The following FADS6 variants were observed in gnomAD, a reference collection of about 807,000 sequenced individuals.
FADS6 encodes fatty acid desaturase 6.
FADS6 carries 28 observed loss-of-function variants against 31.7 expected under a neutral mutation model. The ratio of observed to expected loss-of-function variants is 0.88; its 90% CI spans 0.66 to 1.21. The LOEUF is 1.21. Ranked by LOEUF, FADS6 falls within the 50% of genes most tolerant of loss-of-function variation. The probability of loss-of-function intolerance (pLI) is 0.00; values close to 1 mark genes in which losing one functional copy is unlikely to be tolerated. For missense variants in FADS6, 494 were observed against 504.2 expected, an observed-to-expected ratio of 0.98 and a Z score of 0.19; for synonymous variants, 191 against 213.1, an observed-to-expected ratio of 0.90 and a Z score of 0.90.
intron 3 of FADS6, 133 bp from the exon 4 acceptor site, chr17:74,881,388 C>T: frequency 1.2e-6 from 1 of 846,516 alleles, no homozygotes; most frequent in Non-Finnish European, 1.8e-6. Context: ...AAAAGCAGGG[C>T]ACCCCATTGT....
At position 74,881,193 on chromosome 17, in the gene FADS6, G is replaced by C. The variant is rs752909649; in HGVS notation, c.655C>G (p.Leu219Val). The change falls in exon 4 of 6, where the codon CTT (leucine) becomes GTT (valine). Residue 219 changes from leucine (L) to valine (V), a missense_variant. This residue lies in a region of FADS6 where 454 missense variants were observed against 438.5 expected (regional missense o/e 1.04). Coordinates refer to ENST00000612771, the MANE Select transcript of FADS6 (RefSeq NM_178128.6). ...LRTLALISLG[L>V]YSHYWLLLNV... is the part of the protein sequence containing the mutation. ...AGGAGCAGCCAGTAGTGAGAATAAAGGCCCAGAGAAATCAGGGCCAGCGTC... is the reference window on the plus strand; with the variant it reads ...AGGAGCAGCCAGTAGTGAGAATAAACGCCCAGAGAAATCAGGGCCAGCGTC... 3.0e-5 allele frequency: 48 copies of C among 1,611,962 alleles called. No homozygotes were observed. Among genetic ancestry groups the C allele is most frequent in the Non-Finnish European group, 3.9e-5 (46 of 1,179,016 alleles).
At position 74,879,582 on chromosome 17, in the gene FADS6, T is replaced by G; in HGVS notation, c.782A>C (p.His261Pro). 6.2e-7 allele frequency: 1 copy of G among 1,610,670 alleles called. No homozygotes were observed. Among genetic ancestry groups the G allele is most frequent in the Non-Finnish European group, 8.5e-7 (1 of 1,178,542 alleles). Residue 261 changes from histidine to proline, a missense_variant and splice_region_variant, in exon 5 of 6, where the codon CAC (histidine) becomes CCC (proline). Physicochemically the swap from His to Pro is moderately conservative, Grantham distance 77. This residue lies in a region of FADS6 where 454 missense variants were observed against 438.5 expected (regional missense o/e 1.04). Transcript: ENST00000612771. ...CCGGGAGAACATGGGCAGTCCGATG[T>G]GCTGTGACAGACACGTGGGTCACGC... ...HPYLHVNIFQ[H>P]IGLPMFSRDN...
Position 74,877,678 on chromosome 17 carries a change from C to G in FADS6, c.*653G>C. ...TAACTCTGTCCCTGGGGAACCTTCT[C>G]CCCTCACTTCCCCTGGAGTTCCCTC... On this transcript the variant is annotated 3_prime_UTR_variant, in exon 6 of 6. Transcript: ENST00000612771. 1.0e-6 allele frequency: 1 copy of G among 984,564 alleles called. No homozygotes were observed. The highest frequency in any genetic ancestry group is 1.2e-6 in the Non-Finnish European group (1 of 829,126). 61.0% of individuals were successfully genotyped at this position (984,564 alleles called of 1,614,324 possible). A position where few individuals can be genotyped will look rare whatever the true frequency, so the allele number is the denominator to read the frequency against.
intron 2 of FADS6, among the ~76,000 whole-genome samples, chr17:74,885,689 C>T (rs1180058572): frequency 6.6e-6 from 1 of 152,158 alleles, no homozygotes; most frequent in Non-Finnish European, 1.5e-5. Context: ...TCCTTGAACC[C>T]CATCCCTGCC....
intron 1 of FADS6, 92 bp downstream of exon 1, chr17:74,893,260 C>T: frequency 4.4e-6 from 6 of 1,358,440 alleles, no homozygotes; most frequent in Non-Finnish European, 5.8e-6. Context: ...TGCACTCCCA[C>T]GGCTGCTGTT....
chr17:74,881,817 C>G (rs1458517685), intron 3 of FADS6, among the ~76,000 whole-genome samples: 1 of 152,086 alleles, frequency 6.6e-6, no homozygotes, highest in Non-Finnish European at 1.5e-5. Flanking sequence ...AAGGTCAAGC[C>G]CTGGGATTTG....
Position 74,878,089 on chromosome 17 carries a change from A to G in FADS6, c.*242T>C. Reference sequence around the variant, plus strand: ...CTGAGATGAAGTTGCTGAGGTCCAGACTGACCAGAATGCACAGCCACCATT... The same window carrying G: ...CTGAGATGAAGTTGCTGAGGTCCAGGCTGACCAGAATGCACAGCCACCATT... On this transcript the variant is annotated 3_prime_UTR_variant, in exon 6 of 6. Coordinates refer to ENST00000612771, the MANE Select transcript of FADS6 (RefSeq NM_178128.6). 7.3e-7 allele frequency: 1 copy of G among 1,371,740 alleles called. No homozygotes were observed. 85.0% of individuals were successfully genotyped at this position (1,371,740 alleles called of 1,614,324 possible).
rs1241381216 is a variant in FADS6 at position 74,882,826 on chromosome 17, C to CCG, written c.412-118_412-117dup. The CCG allele has an allele frequency of 2.0e-6, 3 of 1,531,718 alleles. No individual in the cohort carries two copies. The South Asian group carries it at 3.6e-5, about 18-fold the overall frequency. The allele number at this position is 1,531,718 out of a possible 1,614,324, so 94.9% of individuals were successfully genotyped here. On this transcript the variant is annotated intron_variant, in intron 2 of 5. Transcript: ENST00000612771. ...CTCCTCAAACCCTGCATGTCCAGGG[C>CCG]CGTCCTGCCTTACAGCCCCAGCTAA...
intron 2 of FADS6, among the ~76,000 whole-genome samples, chr17:74,890,464 A>G (rs2038677849): frequency 6.6e-6 from 1 of 151,694 alleles, no homozygotes; most frequent in Admixed American, 6.6e-5. Context: ...GTAATAAACT[A>G]CTCGGGCCCT....
chr17:74,879,546 G>A lies in FADS6; in HGVS notation c.818C>T (p.Pro273Leu), dbSNP rs1233497652. ...CAGGCTCATCATGTGAATCCGACGG[G>A]GCTTGTTGTCCCGGGAGAACATGGG... is the stretch of plus-strand genomic sequence containing the variant. ...GLPMFSRDNK[P>L]RRIHMMSLGV... Residue 273 changes from proline (P) to leucine (L), a missense_variant, in exon 5 of 6, where the codon CCC becomes CTC. By Grantham distance (98) the Pro-to-Leu change is moderately conservative (BLOSUM62 -3). This residue lies in a region of FADS6 where 454 missense variants were observed against 438.5 expected (regional missense o/e 1.04). Transcript: ENST00000612771. The A allele has an allele frequency of 1.9e-6, 3 of 1,613,180 alleles. No individual in the cohort carries two copies. Among genetic ancestry groups the A allele is most frequent in the Non-Finnish European group, 2.5e-6 (3 of 1,179,844 alleles).
Position 74,877,958 on chromosome 17 carries a change from C to T in FADS6, c.*373G>A. The T allele has an allele frequency of 9.9e-7, 1 of 1,009,638 alleles. No individual in the cohort carries two copies. The highest frequency in any genetic ancestry group is 1.2e-6 in the Non-Finnish European group (1 of 846,158). The allele number at this position is 1,009,638 out of a possible 1,614,324, so 62.5% of individuals were successfully genotyped here. ...GACCCTGTTCTCTCTGTGCCCCCTG[C>T]TATCTCCCAGGTGGCCCCTGCACAG... On this transcript the variant is annotated 3_prime_UTR_variant, in exon 6 of 6. Transcript: ENST00000612771.
chr17:74,876,862 CT>C (rs1385361688), downstream of FADS6, among the ~76,000 whole-genome samples: 2 of 152,078 alleles, frequency 1.3e-5, no homozygotes, highest in African/African-American at 4.8e-5. Flanking sequence ...GTCTGGCCTC[CT>C]TCTCTGTCTC....
intron 2 of FADS6, among the ~76,000 whole-genome samples, chr17:74,890,849 A>G (rs986888498): frequency 6.6e-6 from 1 of 152,124 alleles, no homozygotes; most frequent in East Asian, 1.9e-4. Flanking sequence ...TTTGGCACAC[A>G]TGATAGCTAT....
chr17:74,883,091 C>T (rs952603753), intron 2 of FADS6, among the ~76,000 whole-genome samples: 10 of 152,358 alleles, frequency 6.6e-5, no homozygotes, highest in East Asian at 1.9e-4. Context: ...CTCTTAGAAG[C>T]ATCTGCTCGT....
At chr17:74,890,088 T>C (rs1235777013) in intron 2 of FADS6, among the ~76,000 whole-genome samples, 1 of 152,110 alleles carries the variant, frequency 6.6e-6, no homozygotes, top group Non-Finnish European at 1.5e-5. Flanking sequence ...GTGAGGAAAG[T>C]GACACTTAGA....
intron 2 of FADS6, among the ~76,000 whole-genome samples, chr17:74,885,943 C>T (rs568665708): frequency 6.6e-6 from 1 of 152,060 alleles, no homozygotes; most frequent in Non-Finnish European, 1.5e-5. Flanking sequence ...CACTTGAGGT[C>T]AAGAGTTCAA....
chr17:74,886,532 C>A (rs1251136336), intron 2 of FADS6, among the ~76,000 whole-genome samples: 1 of 151,206 alleles, frequency 6.6e-6, no homozygotes, highest in African/African-American at 2.4e-5. Flanking sequence ...AGACTGATAA[C>A]CTCCAGCCAT....
intron 3 of FADS6, among the ~76,000 whole-genome samples, chr17:74,881,515 T>C (rs577072289): frequency 2.1e-4 from 32 of 152,162 alleles, no homozygotes; most frequent in African/African-American, 7.7e-4. Flanking sequence ...CTGGGAAACA[T>C]GGTGAAACCC....
At chr17:74,881,957 G>A (rs1160707216) in intron 3 of FADS6, among the ~76,000 whole-genome samples, 1 of 148,952 alleles carries the variant, frequency 6.7e-6, no homozygotes, top group East Asian at 2.0e-4. Context: ...TTTTTTTTGA[G>A]ACAGAGGCTC....
Sources: allele counts gnomAD v4.1 joint callset (sites outside exome capture counted in the v4.1 genomes callset), GRCh38; gene constraint gnomAD v4.1.1; regional missense constraint gnomAD v4.1.1; transcripts MANE v1.5; gene names NCBI Gene and HGNC (gene_info 2026-07-23, HGNC 2026-07-21).